The following TMEM181 variants were observed in gnomAD, a reference collection of about 807,000 sequenced individuals.
The protein encoded by TMEM181 is transmembrane protein 181.
A neutral mutation model predicts 71.9 loss-of-function variants in TMEM181; 39 were observed. The observed-to-expected ratio is 0.54, with a 90% CI of 0.42 to 0.71. The LOEUF is 0.71. Ranked by LOEUF, TMEM181 falls within the 30% of genes least tolerant of loss-of-function variation. The pLI, the probability that TMEM181 is intolerant of heterozygous loss-of-function variation, is 0.00. For synonymous variants in TMEM181, 245 were observed against 228.8 expected (o/e 1.07, Z -0.64); for missense variants, 595 against 583.0 (o/e 1.02, Z -0.21).
At chr6:158,619,823 T>C (rs1055983377) in intron 10 of TMEM181, among the ~76,000 whole-genome samples, 1 of 145,560 alleles carries the variant, frequency 6.9e-6, no homozygotes, top group Non-Finnish European at 1.5e-5. Context: ...GAGCTGAGAT[T>C]GCGCCACTGC....
intron 1 of TMEM181, among the ~76,000 whole-genome samples, chr6:158,544,252 G>A (rs1781453699): frequency 6.7e-6 from 1 of 149,134 alleles, no homozygotes; most frequent in African/African-American, 2.5e-5. Flanking sequence ...GAAGGCAGAG[G>A]AAACAGGCTC....
chr6:158,610,597 T>C, intron 10 of TMEM181: 1 of 397,746 alleles, frequency 2.5e-6, no homozygotes, highest in South Asian at 7.4e-5. Context: ...GGAATGTTCT[T>C]CTTTGCTTCA....
chr6:158,579,573 G>A (rs1357212456), intron 2 of TMEM181, among the ~76,000 whole-genome samples: 1 of 151,820 alleles, frequency 6.6e-6, no homozygotes, highest in Non-Finnish European at 1.5e-5. Context: ...GCAAAAATTA[G>A]CCGAGCATGG....
intron 6 of TMEM181, among the ~76,000 whole-genome samples, chr6:158,593,356 G>A (rs1205144142): frequency 6.6e-6 from 1 of 152,224 alleles, no homozygotes; most frequent in East Asian, 1.9e-4. Flanking sequence ...CTGTCTCTGG[G>A]TGGTGGGATT....
chr6:158,546,735 G>T (rs1441848580), intron 1 of TMEM181, among the ~76,000 whole-genome samples: 1 of 152,234 alleles, frequency 6.6e-6, no homozygotes, highest in Non-Finnish European at 1.5e-5. Flanking sequence ...CAGGTGGGCG[G>T]ATCACAAGGG....
chr6:158,570,140 G>C (rs1379963141), intron 1 of TMEM181, among the ~76,000 whole-genome samples: 2 of 151,982 alleles, frequency 1.3e-5, no homozygotes, highest in Non-Finnish European at 2.9e-5. Context: ...CGAGAACGTT[G>C]TAGTGGAGGA....
intron 1 of TMEM181, among the ~76,000 whole-genome samples, chr6:158,545,108 G>A (rs1001335327): frequency 2.0e-5 from 3 of 152,208 alleles, no homozygotes; most frequent in East Asian, 1.9e-4. Flanking sequence ...GTTCCCCTGC[G>A]GCTTGCTCAG....
intron 10 of TMEM181, chr6:158,610,418 T>C: frequency 3.5e-6 from 1 of 284,420 alleles, no homozygotes; most frequent in Non-Finnish European, 7.2e-6. Flanking sequence ...GGAGCTGCTG[T>C]AAATTCTTCT....
At chr6:158,561,334 C>G (rs945357567) in intron 1 of TMEM181, among the ~76,000 whole-genome samples, 1 of 152,190 alleles carries the variant, frequency 6.6e-6, no homozygotes, top group African/African-American at 2.4e-5. Flanking sequence ...AAATATCAGA[C>G]CTATGTGGAT....
rs1357418570 is a variant in TMEM181, at chr6:158,635,123, T to C, written c.*3235T>C. The C allele has an allele frequency of 1.3e-5, 2 of 152,156 alleles. No individual in the cohort carries two copies. The highest frequency in any genetic ancestry group is 2.9e-5 in the Non-Finnish European group (2 of 68,038). The allele number at this position is 152,156 out of a possible 1,614,324, so 9.4% of individuals were successfully genotyped here. On this transcript the variant is annotated 3_prime_UTR_variant, in exon 17 of 17. Transcript: ENST00000684151. Reference sequence around the variant, plus strand: ...GATGCTGTTTATCTTGGTTTGACATTGGAGATACGCTAGTAACTGTGATAC... The same window carrying C: ...GATGCTGTTTATCTTGGTTTGACATCGGAGATACGCTAGTAACTGTGATAC...
chr6:158,608,011 G>A (rs80049312), intron 8 of TMEM181, among the ~76,000 whole-genome samples: 2,054 of 152,370 alleles, frequency 0.013, 26 homozygotes, highest in Middle Eastern at 0.031. Context: ...GTGGCATACG[G>A]CGCTCTGTCG....
chr6:158,585,489 C>T, intron 5 of TMEM181, 64 bp downstream of exon 5: 7 of 1,372,588 alleles, frequency 5.1e-6, no homozygotes, highest in Admixed American at 2.9e-5. Flanking sequence ...ATTACAGAGC[C>T]ACTTTCCAGT....
chr6:158,536,723 A>G (rs1781118674), exon 1 of TMEM181: 7 of 1,561,650 alleles, frequency 4.5e-6, no homozygotes, highest in African/African-American at 1.4e-5. Context: ...GGGACCCGGG[A>G]GGCTGCGCGG....
intron 10 of TMEM181, chr6:158,611,526 C>T (rs75222454): frequency 2.5e-5 from 12 of 477,624 alleles, no homozygotes; most frequent in Admixed American, 5.0e-5. Flanking sequence ...CATGGAGTTA[C>T]GAGAACTATC....
chr6:158,621,696 A>C (rs1419611164), intron 10 of TMEM181: 3 of 152,730 alleles, frequency 2.0e-5, no homozygotes, highest in Non-Finnish European at 4.4e-5. Context: ...CAGAGATGCC[A>C]GCGTGCTTTG....
intron 12 of TMEM181, among the ~76,000 whole-genome samples, 200 bp from the exon 13 acceptor site, chr6:158,625,503 G>A (rs1786224087): frequency 6.6e-6 from 1 of 152,186 alleles, no homozygotes; most frequent in Non-Finnish European, 1.5e-5. Context: ...ACCAGAGGAT[G>A]GTGGCTGTGG....
intron 1 of TMEM181, among the ~76,000 whole-genome samples, chr6:158,547,887 CAAAAAAAAA>C (rs34148643): frequency 4.6e-4 from 26 of 57,040 alleles, no homozygotes; most frequent in African/African-American, 1.3e-3. Flanking sequence ...AACTCTGTCT[CAAAAAAAAA>C]AAAAAAAAAA....
intron 6 of TMEM181, among the ~76,000 whole-genome samples, chr6:158,592,809 T>G (rs749817211): frequency 9.9e-5 from 15 of 152,002 alleles, no homozygotes; most frequent in Non-Finnish European, 1.9e-4. Flanking sequence ...TCCCAGCTAC[T>G]AGGTAGGCTT....
chr6:158,538,338 A>G (rs1781209134), intron 1 of TMEM181, among the ~76,000 whole-genome samples: 1 of 151,830 alleles, frequency 6.6e-6, no homozygotes, highest in Non-Finnish European at 1.5e-5. Context: ...TATTTTGTTT[A>G]GAGATGGAAT....
Sources: gnomAD v4.1 joint callset for allele counts (sites outside exome capture counted in the v4.1 genomes callset) on GRCh38, gnomAD v4.1.1 for gene constraint, MANE v1.5 for transcripts, NCBI Gene and HGNC (gene_info 2026-07-23, HGNC 2026-07-21) for gene names.